Variants in CTNNB1 observed in about 807,000 individuals in gnomAD.
CTNNB1 encodes catenin beta-1.
In CTNNB1, 6 loss-of-function variants were observed where a neutral mutation model predicts 82.5. That is an observed-to-expected ratio of 0.07 (90% CI 0.04 to 0.14). The LOEUF (loss-of-function observed/expected upper bound fraction) is 0.14. CTNNB1 is among the 10% of genes least tolerant of loss of function. CTNNB1 has a pLI of 1.00. For missense variants in CTNNB1, 529 were observed against 980.4 expected, an observed-to-expected ratio of 0.54 and a Z score of 6.15; for synonymous variants, 312 against 329.7, an observed-to-expected ratio of 0.95 and a Z score of 0.58.
chr3:41,239,479 A>T lies in CTNNB1; in HGVS notation c.*137A>T, dbSNP rs757375560. On this transcript the variant is annotated 3_prime_UTR_variant, in exon 15 of 15. Coordinates refer to ENST00000349496, the MANE Select transcript of CTNNB1 (RefSeq NM_001904.4). ...TTGTAAATCTGCCACAAAAACAGGT[A>T]TATACTTTGAAAGGAGATGTCTTGG... The T allele has an allele frequency of 8.2e-6, 6 of 733,258 alleles. No individual in the cohort carries two copies. The Admixed American group carries it at 1.3e-4, about 15-fold the overall frequency. The allele number at this position is 733,258 out of a possible 1,614,324, so 45.4% of individuals were successfully genotyped here. A position where few individuals can be genotyped will look rare whatever the true frequency, so the allele number is the denominator to read the frequency against.
At chr3:41,217,717 C>G (rs1366979686) in intron 1 of CTNNB1, among the ~76,000 whole-genome samples, 2 of 152,184 alleles carry the variant, frequency 1.3e-5, no homozygotes, top group African/African-American at 4.8e-5. Flanking sequence ...TATTATCAAT[C>G]TTTTCAATCT....
At chr3:41,235,611 T>A (rs1008361349) in intron 10 of CTNNB1, 113 bp from the exon 11 acceptor site, 1 of 1,406,578 alleles carries the variant, frequency 7.1e-7, no homozygotes, top group African/African-American at 1.4e-5. Flanking sequence ...CTGAACTAAT[T>A]GCAAGTTACG....
chr3:41,223,904 G>GAGGAT (rs2125615407), intron 1 of CTNNB1, 117 bp from the exon 2 acceptor site: 4 of 722,476 alleles, frequency 5.5e-6, no homozygotes, highest in South Asian at 5.3e-5. Context: ...CCTGGTAAAA[G>GAGGAT]AGGATATGGG....
Position 41,239,509 on chromosome 3 carries a change from T to C in CTNNB1, c.*167T>C, listed in dbSNP as rs146896526. On this transcript the variant is annotated 3_prime_UTR_variant, in exon 15 of 15. Coordinates refer to ENST00000349496, the MANE Select transcript of CTNNB1 (RefSeq NM_001904.4). Reference sequence around the variant, plus strand: ...CTTTGAAAGGAGATGTCTTGGAACATTGGAATGTTCTCAGATTTCTGGTTG... The same window carrying C: ...CTTTGAAAGGAGATGTCTTGGAACACTGGAATGTTCTCAGATTTCTGGTTG... The C allele has an allele frequency of 5.3e-4, 344 of 650,932 alleles. 2 individuals carry two copies. The East Asian group carries it at 9.2e-3, about 17-fold the overall frequency. The allele number at this position is 650,932 out of a possible 1,614,324, so 40.3% of individuals were successfully genotyped here. A position where few individuals can be genotyped will look rare whatever the true frequency, so the allele number is the denominator to read the frequency against.
chr3:41,236,735 T>A (rs772927009), intron 13 of CTNNB1, 26 bp downstream of exon 13: 1 of 1,614,004 alleles, frequency 6.2e-7, no homozygotes, highest in South Asian at 1.1e-5. Flanking sequence ...CAGTTATTTA[T>A]CTGGTAGTTT....
intron 14 of CTNNB1, 186 bp downstream of exon 14, chr3:41,238,262 C>T: frequency 1.6e-6 from 1 of 623,284 alleles, no homozygotes; most frequent in Non-Finnish European, 2.9e-6. Flanking sequence ...TTCAGAGCCA[C>T]ACAATGAGTA....
chr3:41,224,357 G>A (rs941438582), intron 2 of CTNNB1, 169 bp from the exon 3 acceptor site: 35 of 753,988 alleles, frequency 4.6e-5, no homozygotes, highest in Non-Finnish European at 7.1e-5. Flanking sequence ...AAGGGATTAG[G>A]TATTTCATCA....
rs1486216294 is a variant in CTNNB1 at position 41,218,001 on chromosome 3, C to G, written c.-48-6020C>G. ...ACATACACAAATTATCTCATGTTTC[C>G]CTTTTTGGTTTCAATTTCGACTCAT... On this transcript the variant is annotated intron_variant, in intron 1 of 14. Coordinates refer to ENST00000349496, the MANE Select transcript of CTNNB1 (RefSeq NM_001904.4). 3.3e-5 allele frequency among the ~76,000 whole-genome samples: 5 copies of G among 152,020 alleles called. 1 individual carries two copies. Among genetic ancestry groups the G allele is most frequent in the African/African-American group, 1.2e-4 (5 of 41,406 alleles).
intron 7 of CTNNB1, among the ~76,000 whole-genome samples, chr3:41,231,251 C>T (rs564648894): frequency 2.9e-4 from 44 of 151,320 alleles, no homozygotes; most frequent in Admixed American, 1.4e-3. Context: ...GGTGTGAACC[C>T]GGGAGGCGGA....
At chr3:41,234,004 A>G (rs2078372799) in intron 9 of CTNNB1, 135 bp from the exon 10 acceptor site, 2 of 1,421,206 alleles carry the variant, frequency 1.4e-6, no homozygotes, top group Middle Eastern at 1.8e-4. Context: ...TGGCTGCGAT[A>G]GGGGTAAGAT....
At chr3:41,206,815 G>T (rs1321519850) in intron 1 of CTNNB1, among the ~76,000 whole-genome samples, 1 of 152,058 alleles carries the variant, frequency 6.6e-6, no homozygotes, top group East Asian at 1.9e-4. Flanking sequence ...TCATTCCCCT[G>T]TGTAGGAAAG....
At chr3:41,199,765 T>G (rs1486793267) in intron 1 of CTNNB1, 95 bp downstream of exon 1, 2 of 145,952 alleles carry the variant, frequency 1.4e-5, no homozygotes, top group African/African-American at 5.1e-5. Context: ...GGCGGCGGGC[T>G]GGGCGCAGCC....
chr3:41,199,536 C>G lies in CTNNB1; in HGVS notation c.-183C>G, dbSNP rs922722238. On this transcript the variant is annotated 5_prime_UTR_variant, in exon 1 of 15. Transcript: ENST00000349496. ...CTCGGTCTGTGGCAGCAGCGTTGGC[C>G]CGGCCCCGGGAGCGGAGAGCGAGGG... 2 of 153,336 alleles carry G rather than the reference C, an allele frequency of 1.3e-5. No individual in the cohort carries two copies. The highest frequency in any genetic ancestry group is 4.8e-5 in the African/African-American group (2 of 41,462). 9.5% of individuals were successfully genotyped at this position (153,336 alleles called of 1,614,324 possible). A position where few individuals can be genotyped will look rare whatever the true frequency, so the allele number is the denominator to read the frequency against.
intron 1 of CTNNB1, among the ~76,000 whole-genome samples, chr3:41,209,972 A>G (rs2077740230): frequency 6.6e-6 from 1 of 152,162 alleles, no homozygotes; most frequent in Non-Finnish European, 1.5e-5. Flanking sequence ...ACTTTTTTCT[A>G]TAATAAACCT....
intron 1 of CTNNB1, among the ~76,000 whole-genome samples, chr3:41,203,341 T>A (rs912445712): frequency 1.3e-5 from 2 of 152,156 alleles, no homozygotes; most frequent in Non-Finnish European, 2.9e-5. Context: ...AAATACAGGC[T>A]TGAGAAAATG....
intron 7 of CTNNB1, among the ~76,000 whole-genome samples, chr3:41,228,236 T>TA (rs1297877323): frequency 6.6e-6 from 1 of 152,194 alleles, no homozygotes; most frequent in Non-Finnish European, 1.5e-5. Context: ...GGCATATACC[T>TA]AATAATAGGA....
At chr3:41,221,799 T>G (rs903006638) in intron 1 of CTNNB1, 2 of 152,204 alleles carry the variant, frequency 1.3e-5, no homozygotes, top group African/African-American at 4.8e-5. Context: ...TAGTGGATTT[T>G]ATCATTTTTG....
chr3:41,203,195 G>A (rs1024418527), intron 1 of CTNNB1, among the ~76,000 whole-genome samples: 2 of 149,304 alleles, frequency 1.3e-5, no homozygotes, highest in African/African-American at 4.9e-5. Context: ...AGTGGATATA[G>A]TATAATGCTT....
intron 11 of CTNNB1, 137 bp downstream of exon 11, chr3:41,235,980 GGTCA>G: frequency 8.7e-7 from 1 of 1,144,610 alleles, no homozygotes; most frequent in Non-Finnish European, 1.3e-6. Flanking sequence ...TACATTTTTT[GGTCA>G]GTAAGAGAAA....
Sources: gnomAD v4.1 joint callset for allele counts (sites outside exome capture counted in the v4.1 genomes callset) on GRCh38, gnomAD v4.1.1 for gene constraint, MANE v1.5 for transcripts, NCBI Gene and HGNC (gene_info 2026-07-23, HGNC 2026-07-21) for gene names.